C10orf53: variants seen among roughly 807,000 people sequenced by gnomAD.
C10orf53 encodes the protein UPF0728 protein C10orf53.
C10orf53 carries 8 observed loss-of-function variants against 9.4 expected under a neutral mutation model. The ratio of observed to expected loss-of-function variants is 0.85; its 90% confidence interval spans 0.50 to 1.53. The LOEUF (loss-of-function observed/expected upper bound fraction) is 1.53, where lower values mean the gene tolerates loss of function less well. Among genes scored for constraint, C10orf53 ranks in the 40% most tolerant of loss-of-function variants. The pLI is 0.00. For missense variants in C10orf53, 117 were observed against 117.8 expected, an observed-to-expected ratio of 0.99 and a Z score of 0.03; for synonymous variants, 48 against 46.0, an observed-to-expected ratio of 1.04 and a Z score of -0.18.
intron 2 of C10orf53, among the ~76,000 whole-genome samples, chr10:49,707,254 T>C (rs1840729321): frequency 6.6e-6 from 1 of 152,154 alleles, no homozygotes; most frequent in Admixed American, 6.5e-5. Context: ...GTGAGGGACC[T>C]GACCAAGCTC....
Position 49,693,842 on chromosome 10 carries a change from A to T in C10orf53, c.166A>T (p.Met56Leu). 1 of 1,611,188 alleles carries T rather than the reference A, an allele frequency of 6.2e-7. No individual in the cohort carries two copies. The highest frequency in any genetic ancestry group is 1.1e-5 in the South Asian group (1 of 91,010). Residue 56 changes from methionine (M) to leucine (L), a missense_variant, in exon 2 of 3, where the codon ATG becomes TTG. Met to Leu is a conservative substitution (Grantham distance 15). Coordinates refer to ENST00000374111, the MANE Select transcript of C10orf53 (RefSeq NM_001042427.3). ...KIEDWNVVELMVNEEVIFHCN... is the reference protein window; with the variant it reads ...KIEDWNVVELLVNEEVIFHCN... ...AGAAGACTGGAATGTGGTGGAACTCATGGTGAATGAAGAAGTCATCTTCCA... is the reference window on the plus strand; with the variant it reads ...AGAAGACTGGAATGTGGTGGAACTCTTGGTGAATGAAGAAGTCATCTTCCA...
chr10:49,692,430 T>C (rs575879607), intron 1 of C10orf53, among the ~76,000 whole-genome samples: 4 of 152,350 alleles, frequency 2.6e-5, no homozygotes, highest in Admixed American at 2.0e-4. Context: ...CTTGAACTGA[T>C]TGAAAGATGA....
At chr10:49,705,177 T>C (rs1416997050) in intron 2 of C10orf53, among the ~76,000 whole-genome samples, 3 of 152,158 alleles carry the variant, frequency 2.0e-5, no homozygotes, top group Admixed American at 6.5e-5. Flanking sequence ...TGGAGGAATA[T>C]ATATACTGTA....
intron 1 of C10orf53, among the ~76,000 whole-genome samples, chr10:49,686,339 A>G (rs559001202): frequency 1.9e-4 from 29 of 152,288 alleles, no homozygotes; most frequent in Non-Finnish European, 2.9e-4. Flanking sequence ...CAGGACCACT[A>G]TTTTACAAAT....
chr10:49,693,593 C>T (rs1238573993), intron 1 of C10orf53, among the ~76,000 whole-genome samples, 181 bp from the exon 2 acceptor site: 5 of 152,194 alleles, frequency 3.3e-5, no homozygotes, highest in African/African-American at 1.2e-4. Flanking sequence ...TCTGGCTGTG[C>T]TTCCCAGCAA....
At chr10:49,705,747 C>T (rs1351380660) in intron 2 of C10orf53, among the ~76,000 whole-genome samples, 2 of 151,568 alleles carry the variant, frequency 1.3e-5, no homozygotes, top group Non-Finnish European at 2.9e-5. Context: ...TAAACCAAAA[C>T]ACAAACAAAA....
chr10:49,694,175 T>A (rs1230113328), intron 2 of C10orf53: 6 of 594,328 alleles, frequency 1.0e-5, no homozygotes, highest in Non-Finnish European at 1.8e-5. Context: ...AATTAAGGGA[T>A]AATAGGTTTT....
chr10:49,708,303 G>A lies in C10orf53; in HGVS notation c.218-58G>A, dbSNP rs1407468739. ...GAATATGAGTGTTCAGTCGACAACA[G>A]CAGGACTCTGTCTCCATCTCTTGAT... is the stretch of plus-strand genomic sequence containing the variant. On this transcript the variant is annotated intron_variant, in intron 2 of 2. Transcript: ENST00000374112. The A allele has an allele frequency of 1.9e-6, 3 of 1,589,796 alleles. No individual in the cohort carries two copies. The East Asian group carries it at 6.7e-5, about 36-fold the overall frequency.
intron 1 of C10orf53, among the ~76,000 whole-genome samples, chr10:49,692,906 CT>C (rs1324104304): frequency 6.6e-6 from 1 of 152,116 alleles, no homozygotes; most frequent in Non-Finnish European, 1.5e-5. Flanking sequence ...TTCTAAAAAA[CT>C]TTTTTTCAGA....
Position 49,693,766 on chromosome 10 carries a change from C to A in C10orf53, c.98-8C>A. ...CATGTCACTCACCTCCTTTTCTTTC[C>A]TTCCCAGCTGTGTTGGCCATAGATG... On this transcript the variant is annotated splice_region_variant and splice_polypyrimidine_tract_variant and intron_variant, in intron 1 of 2. Transcript: ENST00000374111. The A allele has an allele frequency of 6.2e-7, 1 of 1,612,512 alleles. No individual in the cohort carries two copies.
At chr10:49,699,121 T>C (rs111902482), downstream of C10orf53, among the ~76,000 whole-genome samples, 3,749 of 150,822 alleles carry the variant, frequency 0.025, 109 homozygotes, top group African/African-American at 0.07. Context: ...ATTTTTAAAA[T>C]AGCCCAATAA....
At chr10:49,708,412 C>T (rs1840737366) in exon 3 of C10orf53, 1 of 1,614,182 alleles carries the variant, frequency 6.2e-7, no homozygotes, top group African/African-American at 1.3e-5. Flanking sequence ...TCCAGGCTGA[C>T]ATTTCACCAG....
intron 1 of C10orf53, among the ~76,000 whole-genome samples, chr10:49,683,273 T>C (rs1264225299): frequency 1.3e-5 from 2 of 152,224 alleles, no homozygotes; most frequent in Admixed American, 6.5e-5. Context: ...TCCCTAATGA[T>C]TGGTGATGTT....
At chr10:49,692,493 C>CAA (rs1427394641) in intron 1 of C10orf53, among the ~76,000 whole-genome samples, 1 of 152,210 alleles carries the variant, frequency 6.6e-6, no homozygotes, top group East Asian at 1.9e-4. Context: ...TAATTAAATG[C>CAA]AATTAACTGA....
At chr10:49,705,261 A>G (rs755418327) in intron 2 of C10orf53, among the ~76,000 whole-genome samples, 1 of 152,240 alleles carries the variant, frequency 6.6e-6, no homozygotes, top group Non-Finnish European at 1.5e-5. Context: ...AACAGGAAGA[A>G]GCTACCTCTA....
intron 1 of C10orf53, among the ~76,000 whole-genome samples, chr10:49,680,115 TG>T (rs1476918267): frequency 5.3e-5 from 8 of 152,276 alleles, no homozygotes; most frequent in African/African-American, 1.7e-4. Context: ...ACAACTCAAA[TG>T]GCTGGGAAGT....
Position 49,697,273 on chromosome 10 carries a change from T to A in C10orf53, c.*2671T>A, listed in dbSNP as rs1840644218. Among the ~76,000 whole-genome samples the A allele has an allele frequency of 6.6e-6, 1 of 152,142 alleles. No homozygotes were observed. The highest frequency in any genetic ancestry group is 2.4e-5 in the African/African-American group (1 of 41,404). On this transcript the variant is annotated 3_prime_UTR_variant, in exon 3 of 3. Transcript: ENST00000374111. ...CTCTGTCACTGATTAAGAGGAACTT[T>A]CTCTATGGAAATCTCTGAAGAATGT... is the stretch of plus-strand genomic sequence containing the variant.
chr10:49,695,969 C>T lies in C10orf53; in HGVS notation c.*1367C>T, dbSNP rs1426737019. On this transcript the variant is annotated 3_prime_UTR_variant, in exon 3 of 3. Coordinates refer to ENST00000374111, the MANE Select transcript of C10orf53 (RefSeq NM_001042427.3). The stretch of plus-strand genomic sequence containing the variant: ...TTTGTTTCAATATAACATTTTACTA[C>T]AAGAGAAATCCATTCTCATTAAAGA... The T allele has an allele frequency of 2.0e-5, 3 of 151,968 alleles. No homozygotes were observed. The highest frequency in any genetic ancestry group is 4.4e-5 in the Non-Finnish European group (3 of 68,006). The allele number at this position is 151,968 out of a possible 1,614,324, so 9.4% of individuals were successfully genotyped here.
Position 49,679,723 on chromosome 10 carries a change from T to G in C10orf53, c.26T>G (p.Leu9Arg). Residue 9 changes from leucine (L) to arginine (R), a missense_variant, in exon 1 of 3, where the codon CTG becomes CGG. By Grantham distance (102) the Leu-to-Arg change is moderately radical. Coordinates refer to ENST00000374111, the MANE Select transcript of C10orf53 (RefSeq NM_001042427.3). MPKNAVVI[L>R]RYGPYSAAGL... ...ATGCCCAAGAACGCAGTGGTCATCC[T>G]GCGCTATGGGCCCTACAGCGCGGCA... 1 of 1,548,702 alleles carries G rather than the reference T, an allele frequency of 6.5e-7. No homozygotes were observed. Among genetic ancestry groups the G allele is most frequent in the East Asian group, 2.5e-5 (1 of 40,726 alleles).
Sources: allele counts gnomAD v4.1 joint callset (sites outside exome capture counted in the v4.1 genomes callset), GRCh38; gene constraint gnomAD v4.1.1; transcripts MANE v1.5; gene names NCBI Gene and HGNC (gene_info 2026-07-23, HGNC 2026-07-21).